The following FERMT2 variants were observed in gnomAD, a reference collection of about 807,000 sequenced individuals.
FERMT2 encodes the protein fermitin family homolog 2.
FERMT2 carries 15 observed loss-of-function variants against 82.7 expected under a neutral mutation model. That is an observed-to-expected ratio of 0.18 (90% CI 0.12 to 0.28). FERMT2 has a LOEUF of 0.28. Ranked by LOEUF, FERMT2 falls within the 10% of genes least tolerant of loss-of-function variation. The pLI is 1.00. For missense variants in FERMT2, 645 were observed against 809.4 expected (o/e 0.80, Z 2.46); for synonymous variants, 274 against 271.5 (o/e 1.01, Z -0.09).
At chr14:52,949,365 C>A (rs1187591811) in intron 2 of FERMT2, among the ~76,000 whole-genome samples, 1 of 139,776 alleles carries the variant, frequency 7.2e-6, no homozygotes, top group African/African-American at 2.6e-5. Context: ...AGCTTGAAAA[C>A]GAATGCTGTG....
chr14:52,861,544 T>C (rs1884939863), intron 12 of FERMT2: 1 of 152,782 alleles, frequency 6.5e-6, no homozygotes, highest in South Asian at 2.1e-4. Context: ...GCAGTGCCCA[T>C]CTGTTTCTTT....
chr14:52,870,350 A>G (rs1379593408), intron 10 of FERMT2, among the ~76,000 whole-genome samples: 1 of 151,996 alleles, frequency 6.6e-6, no homozygotes, highest in Non-Finnish European at 1.5e-5. Flanking sequence ...CCCAGGTTCA[A>G]GCAATTCTCC....
At chr14:52,939,268 G>A (rs1055203981) in intron 2 of FERMT2, among the ~76,000 whole-genome samples, 1 of 150,042 alleles carries the variant, frequency 6.7e-6, no homozygotes, top group African/African-American at 2.4e-5. Context: ...AGCTACTCAG[G>A]AGGCTGGGGC....
intron 2 of FERMT2, among the ~76,000 whole-genome samples, chr14:52,949,522 G>T (rs531809863): frequency 6.6e-6 from 1 of 151,036 alleles, no homozygotes; most frequent in Non-Finnish European, 1.5e-5. Flanking sequence ...TGTACAAAAG[G>T]CTCTTTAAAG....
chr14:52,941,917 T>C (rs144078943), intron 2 of FERMT2, among the ~76,000 whole-genome samples: 677 of 152,304 alleles, frequency 4.4e-3, no homozygotes, highest in Non-Finnish European at 7.5e-3. Context: ...TCAGAAATCT[T>C]ATTAAAATGG....
intron 7 of FERMT2, among the ~76,000 whole-genome samples, chr14:52,877,154 A>G (rs1594939832): frequency 6.6e-6 from 1 of 152,208 alleles, no homozygotes; most frequent in East Asian, 1.9e-4. Context: ...GGCATATAAT[A>G]GGCATCTGTT....
At chr14:52,935,325 A>C (rs1023477533) in intron 2 of FERMT2, among the ~76,000 whole-genome samples, 4 of 152,198 alleles carry the variant, frequency 2.6e-5, no homozygotes, top group Non-Finnish European at 5.9e-5. Flanking sequence ...TAAGGCTCCA[A>C]TGGCTAACTG....
intron 2 of FERMT2, among the ~76,000 whole-genome samples, chr14:52,934,733 C>T (rs1315895691): frequency 1.3e-5 from 2 of 152,188 alleles, no homozygotes; most frequent in Non-Finnish European, 2.9e-5. Flanking sequence ...TTCTTTAACT[C>T]CATTTATATT....
chr14:52,930,602 G>T (rs1398426114), intron 2 of FERMT2, among the ~76,000 whole-genome samples: 3 of 152,150 alleles, frequency 2.0e-5, no homozygotes, highest in Non-Finnish European at 4.4e-5. Flanking sequence ...TAGGGCACCT[G>T]GCTACTCCCT....
intron 4 of FERMT2, among the ~76,000 whole-genome samples, chr14:52,888,583 T>A (rs1403988684): frequency 6.6e-6 from 1 of 152,230 alleles, no homozygotes; most frequent in East Asian, 1.9e-4. Context: ...TTATTTTTCA[T>A]ACTCACAGGG....
chr14:52,901,032 G>A (rs1197756893), intron 3 of FERMT2, among the ~76,000 whole-genome samples: 1 of 150,104 alleles, frequency 6.7e-6, no homozygotes, highest in African/African-American at 2.5e-5. Context: ...AGGCCGAGGC[G>A]GGCGGATCAC....
Position 52,893,370 on chromosome 14 carries a change from T to C in FERMT2, c.449A>G (p.Lys150Arg), listed in dbSNP as rs1237984686. The C allele has an allele frequency of 6.2e-7, 1 of 1,613,042 alleles. No individual in the cohort carries two copies. Among genetic ancestry groups the C allele is most frequent in the Non-Finnish European group, 8.5e-7 (1 of 1,179,560 alleles). ...LLKKPRDPTKKKKKKLDDQSE... is the reference protein window; with the variant it reads ...LLKKPRDPTKRKKKKLDDQSE... ...CTGGTCATCTAGCTTCTTCTTTTTT[T>C]TCTTTGTTGGATCTCTGGGTTTCTT... The change falls in exon 4 of 15, where the codon AAA becomes AGA. Residue 150 changes from lysine (K) to arginine (R), a missense_variant. By Grantham distance (26) the Lys-to-Arg change is conservative. Coordinates refer to ENST00000341590, the MANE Select transcript of FERMT2 (RefSeq NM_006832.3).
intron 3 of FERMT2, among the ~76,000 whole-genome samples, chr14:52,905,472 G>A (rs1309130460): frequency 6.6e-6 from 1 of 152,142 alleles, no homozygotes; most frequent in Non-Finnish European, 1.5e-5. Flanking sequence ...AGAATGCATT[G>A]GAAAGAACAA....
Position 52,919,162 on chromosome 14 carries a change from T to C in FERMT2, c.352A>G (p.Arg118Gly). ...YVKVKVNFSD[R>G]VFKAVSDICK... ...ATGTCAGAAACAGCTTTGAAGACTCTATCAGAGAAATTCACTTTCACCTTC... is the reference window on the plus strand; with the variant it reads ...ATGTCAGAAACAGCTTTGAAGACTCCATCAGAGAAATTCACTTTCACCTTC... The change falls in exon 3 of 15, where the codon AGA (arginine) becomes GGA (glycine). Residue 118 changes from arginine to glycine, a missense_variant. Coordinates refer to ENST00000341590, the MANE Select transcript of FERMT2 (RefSeq NM_006832.3). 1 of 1,614,012 alleles carries C rather than the reference T, an allele frequency of 6.2e-7. No individual in the cohort carries two copies. Among genetic ancestry groups the C allele is most frequent in the Non-Finnish European group, 8.5e-7 (1 of 1,179,902 alleles).
At chr14:52,943,525 A>G (rs1426135555) in intron 2 of FERMT2, among the ~76,000 whole-genome samples, 1 of 152,218 alleles carries the variant, frequency 6.6e-6, no homozygotes, top group Non-Finnish European at 1.5e-5. Flanking sequence ...ACAACTGGCA[A>G]ATTTTGAAAA....
At chr14:52,940,411 A>C (rs1471576002) in intron 2 of FERMT2, among the ~76,000 whole-genome samples, 1 of 152,240 alleles carries the variant, frequency 6.6e-6, no homozygotes, top group African/African-American at 2.4e-5. Flanking sequence ...AACTTTCAAA[A>C]TGTTTTACTA....
intron 2 of FERMT2, among the ~76,000 whole-genome samples, chr14:52,942,312 T>C (rs1282050932): frequency 6.6e-6 from 1 of 150,764 alleles, no homozygotes; most frequent in Non-Finnish European, 1.5e-5. Context: ...TTTTCTTTTT[T>C]TTTTTTTTGA....
At chr14:52,935,278 C>T (rs1889783713) in intron 2 of FERMT2, among the ~76,000 whole-genome samples, 1 of 152,052 alleles carries the variant, frequency 6.6e-6, no homozygotes, top group South Asian at 2.1e-4. Context: ...AATTAAGGTA[C>T]CCCATTCCAT....
At chr14:52,875,120 A>T in intron 8 of FERMT2, 103 bp downstream of exon 8, 2 of 995,402 alleles carry the variant, frequency 2.0e-6, no homozygotes, top group Non-Finnish European at 3.0e-6. Flanking sequence ...TAAAGCATTA[A>T]ATATTTCTCT....
Sources: allele counts gnomAD v4.1 joint callset (sites outside exome capture counted in the v4.1 genomes callset), GRCh38; gene constraint gnomAD v4.1.1; transcripts MANE v1.5; gene names NCBI Gene and HGNC (gene_info 2026-07-23, HGNC 2026-07-21).